Variants in DLG2 observed in about 807,000 individuals in gnomAD.
DLG2 encodes discs large MAGUK scaffold protein 2.
DLG2 carries 45 observed loss-of-function variants against 132.5 expected under a neutral mutation model. The observed-to-expected ratio is 0.34, with a 90% CI of 0.27 to 0.44. The LOEUF (loss-of-function observed/expected upper bound fraction) is 0.44, where lower values mean the gene tolerates loss of function less well. Ranked by LOEUF, DLG2 falls within the 20% of genes least tolerant of loss-of-function variation. The pLI is 1.00. For missense variants in DLG2, 1,045 were observed against 1,196.9 expected (o/e 0.87, Z 1.87); for synonymous variants, 424 against 419.6 (o/e 1.01, Z -0.13).
chr11:84,662,417 G>A (rs560746444), intron 6 of DLG2, among the ~76,000 whole-genome samples: 34 of 151,748 alleles, frequency 2.2e-4, no homozygotes, highest in African/African-American at 6.8e-4. Context: ...TCAGGTGATC[G>A]GCCCACCTCA....
chr11:84,810,076 G>C (rs2076397925), intron 6 of DLG2, among the ~76,000 whole-genome samples: 1 of 151,884 alleles, frequency 6.6e-6, no homozygotes, highest in Non-Finnish European at 1.5e-5. Flanking sequence ...AACTTAAAAT[G>C]GATCATTGAT....
At chr11:83,673,307 A>G (rs1301398525) in intron 18 of DLG2, among the ~76,000 whole-genome samples, 1 of 152,188 alleles carries the variant, frequency 6.6e-6, no homozygotes, top group Non-Finnish European at 1.5e-5. Flanking sequence ...TAAAGATGGA[A>G]AGCAACACTT....
chr11:84,913,589 T>C (rs1359764509), intron 6 of DLG2, among the ~76,000 whole-genome samples: 1 of 152,164 alleles, frequency 6.6e-6, no homozygotes, highest in East Asian at 1.9e-4. Flanking sequence ...TCTTATCTTA[T>C]CACATAGTAT....
intron 14 of DLG2, among the ~76,000 whole-genome samples, chr11:83,938,839 T>G (rs1156986001): frequency 3.9e-5 from 6 of 152,314 alleles, no homozygotes; most frequent in African/African-American, 1.4e-4. Flanking sequence ...GTGTGATAAA[T>G]ACGGAAGAGT....
intron 6 of DLG2, among the ~76,000 whole-genome samples, chr11:85,072,753 C>T (rs1366525791): frequency 6.6e-6 from 1 of 151,806 alleles, no homozygotes; most frequent in African/African-American, 2.4e-5. Flanking sequence ...CACTTGGTTG[C>T]AAAGAGTAGG....
intron 6 of DLG2, among the ~76,000 whole-genome samples, chr11:84,992,172 G>A (rs2154125871): frequency 6.6e-6 from 1 of 151,894 alleles, no homozygotes; most frequent in South Asian, 2.1e-4. Context: ...TCTTTTTCTT[G>A]GGGAAGTCTT....
At chr11:84,352,725 G>A (rs1012168669) in intron 7 of DLG2, among the ~76,000 whole-genome samples, 7 of 152,118 alleles carry the variant, frequency 4.6e-5, no homozygotes, top group Non-Finnish European at 7.4e-5. Context: ...AATATTCCCC[G>A]AAATTCTGGG....
At chr11:84,511,036 T>C (rs962937601) in intron 7 of DLG2, among the ~76,000 whole-genome samples, 6 of 152,218 alleles carry the variant, frequency 3.9e-5, no homozygotes, top group African/African-American at 1.2e-4. Flanking sequence ...AAATATCAAC[T>C]AGACTCCAGA....
intron 4 of DLG2, among the ~76,000 whole-genome samples, chr11:85,169,844 C>T (rs2078717170): frequency 6.6e-6 from 1 of 152,136 alleles, no homozygotes; most frequent in Non-Finnish European, 1.5e-5. Flanking sequence ...GTCAAAAAGT[C>T]CTTGATTCTG....
At chr11:84,803,796 C>G (rs2075694713) in intron 6 of DLG2, among the ~76,000 whole-genome samples, 1 of 152,214 alleles carries the variant, frequency 6.6e-6, no homozygotes, top group Admixed American at 6.5e-5. Context: ...TCTGCCACAT[C>G]TTAAGTTTTT....
chr11:83,462,133 A>G, intron 26 of DLG2, 40 bp from the exon 27 acceptor site: 1 of 1,302,484 alleles, frequency 7.7e-7, no homozygotes, highest in Non-Finnish European at 1.1e-6. Flanking sequence ...TAAAGGGAAT[A>G]TTCCAAATCC....
At chr11:84,031,660 T>C (rs1021879992) in intron 11 of DLG2, among the ~76,000 whole-genome samples, 31 of 152,294 alleles carry the variant, frequency 2.0e-4, no homozygotes, top group African/African-American at 7.5e-4. Flanking sequence ...ACACAATAGG[T>C]GCTTCATATG....
chr11:84,744,738 C>T (rs6592200), intron 6 of DLG2, among the ~76,000 whole-genome samples: 2,139 of 151,844 alleles, frequency 0.014, 64 homozygotes, highest in African/African-American at 0.048. Flanking sequence ...CAGCTGGATA[C>T]AAATACAAAA....
intron 10 of DLG2, among the ~76,000 whole-genome samples, chr11:84,082,531 T>C (rs918224539): frequency 6.6e-6 from 1 of 152,222 alleles, no homozygotes; most frequent in Admixed American, 6.5e-5. Flanking sequence ...TGATCAGTCA[T>C]TTCCTGAAGA....
At chr11:85,157,391 A>G (rs1303122473) in intron 4 of DLG2, among the ~76,000 whole-genome samples, 1 of 152,176 alleles carries the variant, frequency 6.6e-6, no homozygotes, top group Non-Finnish European at 1.5e-5. Flanking sequence ...TAAAGGCTCT[A>G]CTTCTAGTAG....
chr11:83,998,148 A>G (rs1369688296), intron 11 of DLG2, among the ~76,000 whole-genome samples: 3 of 152,160 alleles, frequency 2.0e-5, no homozygotes, highest in African/African-American at 7.2e-5. Context: ...AAAAAAGAAA[A>G]AAAGAAAGAA....
At position 83,644,622 on chromosome 11, in the gene DLG2, C is replaced by A. The variant is rs939285537; in HGVS notation, c.1826-11297G>T. On this transcript the variant is annotated intron_variant, in intron 18 of 27. Coordinates refer to ENST00000376104, the MANE Select transcript of DLG2 (RefSeq NM_001142699.3). ...AGAAAAATCACATAATGGGAACTTA[C>A]CCACAGCCCCCAAACTCATAAACAG... Among the ~76,000 whole-genome samples the A allele has an allele frequency of 9.2e-5, 14 of 152,140 alleles. 1 individual carries two copies. The South Asian group carries it at 2.9e-3, about 32-fold the overall frequency.
chr11:84,385,814 A>G (rs2098767614), intron 7 of DLG2, among the ~76,000 whole-genome samples: 1 of 152,154 alleles, frequency 6.6e-6, no homozygotes, highest in Non-Finnish European at 1.5e-5. Flanking sequence ...TCTTAAATGA[A>G]CAATAAAGAG....
At chr11:85,027,843 C>G (rs1429058014) in intron 6 of DLG2, among the ~76,000 whole-genome samples, 1 of 152,182 alleles carries the variant, frequency 6.6e-6, no homozygotes, top group Non-Finnish European at 1.5e-5. Flanking sequence ...GTCTGGGATC[C>G]CTGAAGGGCT....
Sources: gnomAD v4.1 joint callset for allele counts (sites outside exome capture counted in the v4.1 genomes callset) on GRCh38, gnomAD v4.1.1 for gene constraint, MANE v1.5 for transcripts, NCBI Gene and HGNC (gene_info 2026-07-23, HGNC 2026-07-21) for gene names.